The following EXT1 variants were observed in gnomAD, a reference collection of about 807,000 sequenced individuals.
EXT1 encodes the protein exostosin-1.
In EXT1, 20 loss-of-function variants were observed where a neutral mutation model predicts 82.5. That is an observed-to-expected ratio of 0.24 (90% CI 0.17 to 0.35). EXT1 has a LOEUF of 0.35. Among genes scored for constraint, EXT1 ranks in the 10% least tolerant of loss-of-function variants. EXT1 has a pLI of 1.00. For synonymous variants in EXT1, 348 were observed against 350.8 expected (o/e 0.99, Z 0.09); for missense variants, 757 against 936.5 (o/e 0.81, Z 2.50).
At chr8:118,055,695 A>T (rs1816784128) in intron 1 of EXT1, among the ~76,000 whole-genome samples, 4 of 152,238 alleles carry the variant, frequency 2.6e-5, no homozygotes, top group Admixed American at 2.6e-4. Context: ...GTATAAAATC[A>T]ATATAATAGA....
Position 117,817,987 on chromosome 8 carries a change from A to G in EXT1, c.1632+448T>C, listed in dbSNP as rs145466988. On this transcript the variant is annotated intron_variant, in intron 7 of 10. Coordinates refer to ENST00000378204, the MANE Select transcript of EXT1 (RefSeq NM_000127.3). ...AGGTGAAAATGTCCTTTTTAAAGTG[A>G]ATGGGAGAAAGAAACACCATTCTGA... Among the ~76,000 whole-genome samples the G allele has an allele frequency of 6.3e-3, 965 of 152,316 alleles. 5 individuals carry two copies. The highest frequency in any genetic ancestry group is 9.8e-3 in the Non-Finnish European group (664 of 68,016).
chr8:117,824,892 G>C (rs893100802), intron 4 of EXT1, among the ~76,000 whole-genome samples: 10 of 151,438 alleles, frequency 6.6e-5, no homozygotes, highest in Non-Finnish European at 1.5e-4. Context: ...TTTGAGACAG[G>C]GTCTCATTCA....
chr8:118,034,246 G>C (rs1816382363), intron 1 of EXT1, among the ~76,000 whole-genome samples: 3 of 152,056 alleles, frequency 2.0e-5, no homozygotes, highest in Admixed American at 2.0e-4. Flanking sequence ...AATCCCTTTG[G>C]AATCTTGCTG....
At chr8:117,808,676 A>C (rs566662431) in intron 8 of EXT1, among the ~76,000 whole-genome samples, 293 of 152,288 alleles carry the variant, frequency 1.9e-3, no homozygotes, top group Non-Finnish European at 2.9e-3. Context: ...GGATGCTGCT[A>C]GGTCCAGGTC....
chr8:117,973,660 C>G (rs1285631347), intron 1 of EXT1, among the ~76,000 whole-genome samples: 2 of 151,646 alleles, frequency 1.3e-5, no homozygotes, highest in Non-Finnish European at 2.9e-5. Flanking sequence ...CCTAGCTACT[C>G]AGGAGACTGA....
At chr8:117,946,095 T>C (rs962692325) in intron 1 of EXT1, among the ~76,000 whole-genome samples, 1 of 152,090 alleles carries the variant, frequency 6.6e-6, no homozygotes, top group African/African-American at 2.4e-5. Context: ...GACGGGATTT[T>C]GCCATGTTGG....
chr8:118,056,694 G>A (rs1816800203), intron 1 of EXT1, among the ~76,000 whole-genome samples: 1 of 152,174 alleles, frequency 6.6e-6, no homozygotes, highest in African/African-American at 2.4e-5. Context: ...CTCTGGCCTA[G>A]ACAGTAAGCT....
At chr8:118,078,221 T>TG (rs1817245193) in intron 1 of EXT1, among the ~76,000 whole-genome samples, 1 of 152,166 alleles carries the variant, frequency 6.6e-6, no homozygotes, top group Non-Finnish European at 1.5e-5. Flanking sequence ...ATTTTTGAGA[T>TG]GAAGTCTCGC....
chr8:118,001,646 T>A (rs1265572928), intron 1 of EXT1, among the ~76,000 whole-genome samples: 2 of 152,184 alleles, frequency 1.3e-5, no homozygotes, highest in African/African-American at 4.8e-5. Context: ...ATCTTATTTA[T>A]TAATTGTAAG....
chr8:118,111,440 T>TA lies in EXT1; in HGVS notation c.-395_-394insT. 1 of 524,718 alleles carries TA rather than the reference T, an allele frequency of 1.9e-6. No individual in the cohort carries two copies. The highest frequency in any genetic ancestry group is 3.1e-5 in the South Asian group (1 of 31,866). The allele number at this position is 524,718 out of a possible 1,614,324, so 32.5% of individuals were successfully genotyped here. ...GAAGTGATTGCCTTGCCTCTCGGATTCCTCTCGGCAGCGTGGAAAATGAGC... is the reference window on the plus strand; with the variant it reads ...GAAGTGATTGCCTTGCCTCTCGGATTACCTCTCGGCAGCGTGGAAAATGAGC... On this transcript the variant is annotated 5_prime_UTR_variant, in exon 1 of 11. Coordinates refer to ENST00000378204, the MANE Select transcript of EXT1 (RefSeq NM_000127.3).
At chr8:117,937,341 C>A (rs926131072) in intron 1 of EXT1, among the ~76,000 whole-genome samples, 1 of 152,146 alleles carries the variant, frequency 6.6e-6, no homozygotes, top group South Asian at 2.1e-4. Flanking sequence ...TTAATATAAT[C>A]GAGGACACAA....
rs567508527 is a variant in EXT1 at position 117,962,296 on chromosome 8, G to A, written c.963-125095C>T. Among the ~76,000 whole-genome samples, 9 of 152,260 alleles carry A rather than the reference G, an allele frequency of 5.9e-5. No homozygotes were observed. The South Asian group carries it at 1.9e-3, about 32-fold the overall frequency. Reference sequence around the variant, plus strand: ...AAACTGCTTACGTTGCTTCTGTAAAGTGTGGCAAACCAAATTTAGCCAAGG... The same window carrying A: ...AAACTGCTTACGTTGCTTCTGTAAAATGTGGCAAACCAAATTTAGCCAAGG... On this transcript the variant is annotated intron_variant, in intron 1 of 10. Coordinates refer to ENST00000378204, the MANE Select transcript of EXT1 (RefSeq NM_000127.3).
chr8:117,825,183 T>C (rs958312277), intron 4 of EXT1, among the ~76,000 whole-genome samples: 1 of 152,198 alleles, frequency 6.6e-6, no homozygotes, highest in African/African-American at 2.4e-5. Flanking sequence ...GAATTGATTC[T>C]GTAGGACCTT....
chr8:118,002,381 C>CGA (rs1491406566), intron 1 of EXT1, among the ~76,000 whole-genome samples: 2 of 61,038 alleles, frequency 3.3e-5, no homozygotes, highest in Non-Finnish European at 6.5e-5. Context: ...ACTCCGTCTC[C>CGA]AAAAAAAAAA....
At chr8:118,001,121 T>C (rs1230845181) in intron 1 of EXT1, among the ~76,000 whole-genome samples, 1 of 152,252 alleles carries the variant, frequency 6.6e-6, no homozygotes, top group Admixed American at 6.5e-5. Flanking sequence ...AACTCTTCAG[T>C]ACCAGTAGAA....
At chr8:117,898,132 C>T (rs896706099) in intron 1 of EXT1, among the ~76,000 whole-genome samples, 2 of 152,202 alleles carry the variant, frequency 1.3e-5, no homozygotes, top group Non-Finnish European at 2.9e-5. Context: ...TCCATAACTT[C>T]CTGTTGTCTC....
chr8:117,913,807 T>C (rs1813697127), intron 1 of EXT1, among the ~76,000 whole-genome samples: 1 of 152,220 alleles, frequency 6.6e-6, no homozygotes, highest in Non-Finnish European at 1.5e-5. Flanking sequence ...CTCACTTGCT[T>C]TTAATAACAA....
rs17480354 is a variant in EXT1 at position 118,081,536 on chromosome 8, A to C, written c.962+28549T>G. ...GTATTTGGGGGTCTTACCTTTCATA[A>C]AGTGTTTTCATCACAGAAGCTGCCC... On this transcript the variant is annotated intron_variant, in intron 1 of 10. Coordinates refer to ENST00000378204, the MANE Select transcript of EXT1 (RefSeq NM_000127.3). Among the ~76,000 whole-genome samples, 906 of 152,278 alleles carry C rather than the reference A, an allele frequency of 5.9e-3. 34 individuals are homozygous for C. Among genetic ancestry groups the C allele is most frequent in the Admixed American group, 0.051 (782 of 15,294 alleles).
chr8:118,000,445 G>A (rs1470129460), intron 1 of EXT1, among the ~76,000 whole-genome samples: 1 of 152,226 alleles, frequency 6.6e-6, no homozygotes, highest in Non-Finnish European at 1.5e-5. Flanking sequence ...GATGCCTAGA[G>A]TTGCAAGCCT....
Sources: allele counts gnomAD v4.1 joint callset (sites outside exome capture counted in the v4.1 genomes callset), GRCh38; gene constraint gnomAD v4.1.1; transcripts MANE v1.5; gene names NCBI Gene and HGNC (gene_info 2026-07-23, HGNC 2026-07-21).